ARB2A: variants seen among roughly 807,000 people sequenced by gnomAD.
ARB2A encodes the protein cotranscriptional regulator ARB2A.
the ARB2A span, among the ~76,000 whole-genome samples, chr5:93,960,044 C>G: frequency 2.9e-5 from 4 of 137,196 alleles, no homozygotes; most frequent in East Asian, 8.9e-4. Context: ...TATGTTCATA[C>G]AATTATCAAA....
the ARB2A span, among the ~76,000 whole-genome samples, chr5:93,887,144 G>A: frequency 1.3e-5 from 2 of 151,472 alleles, no homozygotes; most frequent in Non-Finnish European, 3.0e-5. Context: ...AGAGTCAGAA[G>A]GTCATGCATG....
the ARB2A span, among the ~76,000 whole-genome samples, chr5:93,830,303 G>GTGTGTGTGTA: frequency 1.4e-4 from 9 of 64,332 alleles, no homozygotes; most frequent in East Asian, 4.7e-4. Flanking sequence ...ATATATATGT[G>GTGTGTGTGTA]TGTGTGTGTA....
chr5:93,907,526 A>G, the ARB2A span, among the ~76,000 whole-genome samples: 5 of 151,494 alleles, frequency 3.3e-5, no homozygotes, highest in Non-Finnish European at 3.0e-5. Context: ...AACAATGGCA[A>G]TTGGAGCTTT....
At chr5:93,872,931 G>GA in the ARB2A span, among the ~76,000 whole-genome samples, 2 of 151,218 alleles carry the variant, frequency 1.3e-5, no homozygotes, top group Non-Finnish European at 3.0e-5. Context: ...AAAAAAGAAA[G>GA]AAAAAAAATA....
the ARB2A span, chr5:94,050,648 C>A: frequency 5.2e-6 from 5 of 967,988 alleles, no homozygotes; most frequent in East Asian, 2.6e-5. Context: ...AGAAAGAGTG[C>A]ATAAACTGCT....
the ARB2A span, among the ~76,000 whole-genome samples, chr5:94,011,810 C>G: frequency 6.8e-6 from 1 of 147,576 alleles, no homozygotes; most frequent in African/African-American, 2.5e-5. Context: ...GATTTAGAGT[C>G]AAGTAGCACA....
the ARB2A span, among the ~76,000 whole-genome samples, chr5:93,841,210 T>A: frequency 6.6e-6 from 1 of 152,180 alleles, no homozygotes; most frequent in African/African-American, 2.4e-5. Context: ...TCCTTATCTG[T>A]CGGTTCTGCA....
the ARB2A span, among the ~76,000 whole-genome samples, chr5:94,070,652 T>C: frequency 6.6e-6 from 1 of 151,526 alleles, no homozygotes; most frequent in African/African-American, 2.4e-5. Context: ...GAAAAGACAA[T>C]CCAAAGACTG....
the ARB2A span, among the ~76,000 whole-genome samples, chr5:94,105,472 G>C: frequency 6.6e-6 from 1 of 151,394 alleles, no homozygotes; most frequent in Non-Finnish European, 1.5e-5. Flanking sequence ...AAATGTTGCT[G>C]AAGAAATCGG....
the ARB2A span, among the ~76,000 whole-genome samples, chr5:94,079,694 G>A: frequency 6.6e-6 from 1 of 152,124 alleles, no homozygotes; most frequent in Non-Finnish European, 1.5e-5. Context: ...GATATCTACA[G>A]ACTAAAGTTG....
chr5:93,735,257 A>C, the ARB2A span: 15 of 152,334 alleles, frequency 9.8e-5, no homozygotes, highest in African/African-American at 3.6e-4. Context: ...GTTTTCCCTA[A>C]GGTCCAGCCT....
chr5:93,997,087 CCTGA>C, the ARB2A span, among the ~76,000 whole-genome samples: 1 of 151,960 alleles, frequency 6.6e-6, no homozygotes, highest in Admixed American at 6.6e-5. Flanking sequence ...TACATTAATT[CCTGA>C]CTAAAACTTT....
At chr5:93,686,523 T>TA in the ARB2A span, among the ~76,000 whole-genome samples, 3 of 152,130 alleles carry the variant, frequency 2.0e-5, no homozygotes, top group African/African-American at 7.2e-5. Flanking sequence ...TTTCTTACCT[T>TA]AAAAAAAATC....
the ARB2A span, among the ~76,000 whole-genome samples, chr5:93,704,293 C>G: frequency 6.6e-6 from 1 of 152,128 alleles, no homozygotes; most frequent in East Asian, 1.9e-4. Context: ...GGACTTGCAA[C>G]AAACTTATAA....
the ARB2A span, among the ~76,000 whole-genome samples, chr5:93,870,651 A>C: frequency 6.6e-6 from 1 of 152,202 alleles, no homozygotes; most frequent in Non-Finnish European, 1.5e-5. Context: ...ATGAAGAATA[A>C]AACTGCCTGT....
the ARB2A span, chr5:93,741,386 C>A: frequency 1.2e-6 from 2 of 1,612,954 alleles, no homozygotes; most frequent in South Asian, 2.2e-5. Context: ...ATCCTCCACA[C>A]GTCAGGGCCT....
the ARB2A span, among the ~76,000 whole-genome samples, chr5:93,643,221 C>CT: frequency 1.4e-4 from 22 of 152,260 alleles, no homozygotes; most frequent in Admixed American, 4.6e-4. Context: ...CATCAATATG[C>CT]TTTAATATCC....
At chr5:93,827,431 T>A in the ARB2A span, among the ~76,000 whole-genome samples, 1 of 152,132 alleles carries the variant, frequency 6.6e-6, no homozygotes, top group African/African-American at 2.4e-5. Flanking sequence ...TCGCCCACTT[T>A]TTGATGGGGT....
At chr5:93,754,035 T>A in the ARB2A span, among the ~76,000 whole-genome samples, 1 of 152,166 alleles carries the variant, frequency 6.6e-6, no homozygotes, top group Non-Finnish European at 1.5e-5. Flanking sequence ...TAAGTAACCT[T>A]GTCTGTGATG....
Sources: allele counts gnomAD v4.1 joint callset (sites outside exome capture counted in the v4.1 genomes callset), GRCh38; gene constraint gnomAD v4.1.1; transcripts MANE v1.5; gene names NCBI Gene and HGNC (gene_info 2026-07-23, HGNC 2026-07-21).